Variants in BMPR1B observed in about 807,000 individuals in gnomAD.
BMPR1B encodes bone morphogenetic protein receptor type 1B.
Under a neutral mutation model 59.1 loss-of-function variants are expected in BMPR1B, and 12 were observed. The ratio of observed to expected loss-of-function variants is 0.20; its 90% confidence interval spans 0.13 to 0.33. The LOEUF (loss-of-function observed/expected upper bound fraction) is 0.33, where lower values mean the gene tolerates loss of function less well. Ranked by LOEUF, BMPR1B falls within the 10% of genes least tolerant of loss-of-function variation. The pLI is 1.00. For missense variants in BMPR1B, 550 were observed against 610.9 expected (o/e 0.90, Z 1.05); for synonymous variants, 237 against 207.3 (o/e 1.14, Z -1.23).
At chr4:94,875,491 T>TGGCTAACAC (rs1189998917) in intron 1 of BMPR1B, among the ~76,000 whole-genome samples, 1 of 152,218 alleles carries the variant, frequency 6.6e-6, no homozygotes, top group Non-Finnish European at 1.5e-5. Context: ...GAGACCATCC[T>TGGCTAACAC]GGCTAACACG....
intron 3 of BMPR1B, among the ~76,000 whole-genome samples, chr4:95,096,009 A>C (rs903935134): frequency 2.7e-5 from 4 of 150,336 alleles, no homozygotes; most frequent in African/African-American, 4.9e-5. Flanking sequence ...GATATGTAAT[A>C]GTATGAAATT....
intron 3 of BMPR1B, among the ~76,000 whole-genome samples, chr4:95,097,386 T>G (rs1405629023): frequency 2.6e-5 from 4 of 152,004 alleles, no homozygotes; most frequent in Non-Finnish European, 5.9e-5. Flanking sequence ...GTTTTTTTCT[T>G]TATATTTTCT....
At chr4:94,812,055 AC>A (rs1723837990) in intron 1 of BMPR1B, among the ~76,000 whole-genome samples, 1 of 152,140 alleles carries the variant, frequency 6.6e-6, no homozygotes, top group South Asian at 2.1e-4. Flanking sequence ...ATGTTTGAAG[AC>A]TTTTTCTTCC....
chr4:94,865,494 A>G (rs1174890153), intron 1 of BMPR1B, among the ~76,000 whole-genome samples: 1 of 152,062 alleles, frequency 6.6e-6, no homozygotes, highest in African/African-American at 2.4e-5. Flanking sequence ...AGGTTCAAGC[A>G]ATTGTCCTGC....
intron 3 of BMPR1B, among the ~76,000 whole-genome samples, chr4:95,026,804 C>A (rs2149146735): frequency 6.7e-6 from 1 of 149,756 alleles, no homozygotes; most frequent in East Asian, 2.0e-4. Flanking sequence ...CACTCTTATC[C>A]AGGATGGAGT....
Position 94,950,100 on chromosome 4 carries a change from G to A in BMPR1B, c.-112-45940G>A, listed in dbSNP as rs145501386. 8.1e-3 allele frequency among the ~76,000 whole-genome samples: 1,229 copies of A among 152,264 alleles called. 9 individuals are homozygous for A. Among genetic ancestry groups the A allele is most frequent in the Non-Finnish European group, 0.014 (948 of 68,020 alleles). ...CACATAAATGTCTTCTTTTGCAAGT[G>A]TCTGTTCATATCCTTTGCCCACTTT... On this transcript the variant is annotated intron_variant, in intron 2 of 12. Transcript: ENST00000515059.
Position 95,155,744 on chromosome 4 carries a change from T to A in BMPR1B, c.*1071T>A, listed in dbSNP as rs1158919169. 2 of 152,106 alleles carry A rather than the reference T, an allele frequency of 1.3e-5. No homozygotes were observed. Among genetic ancestry groups the A allele is most frequent in the African/African-American group, 4.8e-5 (2 of 41,410 alleles). The allele number at this position is 152,106 out of a possible 1,614,324, so 9.4% of individuals were successfully genotyped here. On this transcript the variant is annotated 3_prime_UTR_variant, in exon 13 of 13. Coordinates refer to ENST00000515059, the MANE Select transcript of BMPR1B (RefSeq NM_001203.3). ...AGAAGCACAAAGAAAAAAGTGTGCA[T>A]ACCTTATTTTGTACAGATAAAGATG...
At chr4:94,812,829 T>C (rs1408566740) in intron 1 of BMPR1B, among the ~76,000 whole-genome samples, 1 of 152,188 alleles carries the variant, frequency 6.6e-6, no homozygotes, top group Non-Finnish European at 1.5e-5. Flanking sequence ...GCGTATACAA[T>C]TGAGTAGCAT....
intron 1 of BMPR1B, among the ~76,000 whole-genome samples, chr4:94,802,938 G>A (rs1006300988): frequency 1.3e-5 from 2 of 152,150 alleles, no homozygotes; most frequent in South Asian, 4.1e-4. Context: ...TAGTGGGCAG[G>A]ACAGAGGTGT....
chr4:94,801,452 C>T (rs1430418271), intron 1 of BMPR1B, among the ~76,000 whole-genome samples: 5 of 152,184 alleles, frequency 3.3e-5, no homozygotes, highest in Non-Finnish European at 7.4e-5. Context: ...CGTCACTGCA[C>T]AATTAAGCCT....
rs931875979 is a variant in BMPR1B at position 95,115,912 on chromosome 4, C to T, written c.349+125C>T. The T allele has an allele frequency of 4.7e-6, 4 of 844,166 alleles. No individual in the cohort carries two copies. The African/African-American group carries it at 5.0e-5, about 11-fold the overall frequency. The allele number at this position is 844,166 out of a possible 1,614,324, so 52.3% of individuals were successfully genotyped here. On this transcript the variant is annotated intron_variant, in intron 6 of 12. Coordinates refer to ENST00000515059, the MANE Select transcript of BMPR1B (RefSeq NM_001203.3). The stretch of plus-strand genomic sequence containing the variant: ...CCACTGCTGGAGCAGAGCACTGAGG[C>T]CAGATGACATGGAACCATCATTCGA...
At chr4:94,922,333 G>T (rs1051922451) in intron 2 of BMPR1B, among the ~76,000 whole-genome samples, 34 of 152,046 alleles carry the variant, frequency 2.2e-4, no homozygotes, top group African/African-American at 7.7e-4. Context: ...ACGTGTGCGT[G>T]TGTGTATGAG....
intron 10 of BMPR1B, among the ~76,000 whole-genome samples, chr4:95,133,238 A>G (rs1220078463): frequency 6.6e-6 from 1 of 152,036 alleles, no homozygotes; most frequent in South Asian, 2.1e-4. Flanking sequence ...TGTCTCTCCT[A>G]TTTCCAGTCT....
intron 2 of BMPR1B, among the ~76,000 whole-genome samples, chr4:94,905,021 A>G (rs994617189): frequency 2.0e-4 from 30 of 152,064 alleles, no homozygotes; most frequent in Admixed American, 7.9e-4. Flanking sequence ...TTTGGCAAAC[A>G]CCATGAGAAT....
intron 3 of BMPR1B, among the ~76,000 whole-genome samples, chr4:95,032,435 C>T (rs1374577411): frequency 2.6e-5 from 4 of 152,126 alleles, no homozygotes; most frequent in Non-Finnish European, 4.4e-5. Context: ...TACTGTAACA[C>T]GGGAAGTAGG....
chr4:95,012,513 A>C (rs958871668), intron 3 of BMPR1B, among the ~76,000 whole-genome samples: 13 of 152,162 alleles, frequency 8.5e-5, no homozygotes, highest in Non-Finnish European at 1.9e-4. Context: ...GATATATTTG[A>C]ATGATTCATT....
chr4:95,090,611 GT>G (rs746793601), intron 3 of BMPR1B, among the ~76,000 whole-genome samples: 5 of 151,908 alleles, frequency 3.3e-5, no homozygotes, highest in African/African-American at 2.4e-5. Context: ...AGATTTTAAG[GT>G]TCATGAACAT....
chr4:94,785,653 T>G (rs570261694), intron 1 of BMPR1B, among the ~76,000 whole-genome samples: 1 of 152,286 alleles, frequency 6.6e-6, no homozygotes, highest in African/African-American at 2.4e-5. Flanking sequence ...AGAACTGCTA[T>G]AATTTCTTTA....
At chr4:95,096,090 T>C (rs1730356256) in intron 3 of BMPR1B, among the ~76,000 whole-genome samples, 1 of 150,262 alleles carries the variant, frequency 6.7e-6, no homozygotes, top group African/African-American at 2.4e-5. Context: ...TATATAATAA[T>C]ATAAAATAAT....
Sources: gnomAD v4.1 joint callset for allele counts (sites outside exome capture counted in the v4.1 genomes callset) on GRCh38, gnomAD v4.1.1 for gene constraint, MANE v1.5 for transcripts, NCBI Gene and HGNC (gene_info 2026-07-23, HGNC 2026-07-21) for gene names.